SCN10A: variants seen among roughly 807,000 people sequenced by gnomAD.
SCN10A encodes the protein sodium channel protein type 10 subunit alpha.
SCN10A carries 162 observed loss-of-function variants against 170.7 expected under a neutral mutation model. The observed-to-expected ratio is 0.95, with a 90% CI of 0.84 to 1.08. The LOEUF (loss-of-function observed/expected upper bound fraction) is 1.08, where lower values mean the gene tolerates loss of function less well. Ranked by LOEUF, SCN10A falls within the 50% of genes least tolerant of loss-of-function variation. The pLI, the probability that SCN10A is intolerant of heterozygous loss-of-function variation, is 0.00. For synonymous variants in SCN10A, 985 were observed against 904.6 expected (o/e 1.09, Z -1.59); for missense variants, 2,527 against 2,436.9 (o/e 1.04, Z -0.78).
intron 4 of SCN10A, among the ~76,000 whole-genome samples, chr3:38,778,186 T>C (rs1019315649): frequency 1.3e-5 from 2 of 152,090 alleles, no homozygotes; most frequent in Non-Finnish European, 2.9e-5. Flanking sequence ...TTCAGCTTCA[T>C]TTCACATGTT....
At position 38,755,876 on chromosome 3, in the gene SCN10A, C is replaced by T. The variant is rs1576007359; in HGVS notation, c.1373G>A (p.Arg458Lys). Residue 458 changes from arginine to lysine, a missense_variant, in exon 11 of 28, where the codon AGA becomes AAA. Transcript: ENST00000449082. ...SPLTSKNASE[R>K]RHRIKPRVSE... ...CACTCTTGGCTTTATTCTATGCCTTCTCTCACTGGCATTTTTGGAGGTTAA... is the reference window on the plus strand; with the variant it reads ...CACTCTTGGCTTTATTCTATGCCTTTTCTCACTGGCATTTTTGGAGGTTAA... 1 of 1,614,160 alleles carries T rather than the reference C, an allele frequency of 6.2e-7. No homozygotes were observed. The highest frequency in any genetic ancestry group is 2.2e-5 in the East Asian group (1 of 44,874).
At chr3:38,757,332 C>A (rs1398541468) in intron 8 of SCN10A, among the ~76,000 whole-genome samples, 173 bp from the exon 9 acceptor site, 4 of 152,138 alleles carry the variant, frequency 2.6e-5, no homozygotes, top group Non-Finnish European at 5.9e-5. Flanking sequence ...TTCTGTTATC[C>A]ATAAAACGGG....
rs767987787 is a variant in SCN10A at position 38,757,058 on chromosome 3, C to A, written c.1052G>T (p.Arg351Leu). 2 of 1,613,362 alleles carry A rather than the reference C, an allele frequency of 1.2e-6. No individual in the cohort carries two copies. Among genetic ancestry groups the A allele is most frequent in the African/African-American group, 1.3e-5 (1 of 74,858 alleles). ...SFAWAFLSLF[R>L]LMTQDSWERL... is the part of the protein sequence containing the mutation. ...TTCCCAGGAATCCTGTGTCATGAGG[C>A]GGAACAGTGAGAGGAAAGCCCAAGC... The change falls in exon 9 of 28, where the codon CGC becomes CTC. Residue 351 changes from arginine to leucine, a missense_variant. Physicochemically the swap from Arg to Leu is moderately radical, Grantham distance 102. Coordinates refer to ENST00000449082, the MANE Select transcript of SCN10A (RefSeq NM_006514.4).
chr3:38,704,494 G>A (rs1341379606), intron 26 of SCN10A, among the ~76,000 whole-genome samples: 4 of 152,212 alleles, frequency 2.6e-5, no homozygotes, highest in Admixed American at 6.5e-5. Flanking sequence ...TCTTGGATTA[G>A]CCCACGGTCA....
intron 23 of SCN10A, 110 bp downstream of exon 23, chr3:38,712,051 T>A (rs1172328741): frequency 9.6e-7 from 1 of 1,046,408 alleles, no homozygotes; most frequent in Non-Finnish European, 1.4e-6. Flanking sequence ...CAGTTCACAC[T>A]GAGTGCTACT....
At chr3:38,803,316 T>C (rs2064385039) in intron 1 of SCN10A, among the ~76,000 whole-genome samples, 1 of 152,036 alleles carries the variant, frequency 6.6e-6, no homozygotes, top group Non-Finnish European at 1.5e-5. Flanking sequence ...ACCCAAAGGA[T>C]TATAAATCAT....
chr3:38,788,131 G>A (rs971257221), intron 4 of SCN10A, among the ~76,000 whole-genome samples: 1 of 142,248 alleles, frequency 7.0e-6, no homozygotes, highest in Non-Finnish European at 1.5e-5. Flanking sequence ...CATCAATTAA[G>A]AAGACTATGT....
chr3:38,771,049 A>G (rs2063993502), intron 5 of SCN10A, among the ~76,000 whole-genome samples: 1 of 152,168 alleles, frequency 6.6e-6, no homozygotes, highest in Non-Finnish European at 1.5e-5. Flanking sequence ...GGGAGCTCAC[A>G]GTTTTTCACC....
chr3:38,804,296 C>A (rs1465570485), intron 1 of SCN10A, among the ~76,000 whole-genome samples: 11 of 152,036 alleles, frequency 7.2e-5, no homozygotes, highest in Admixed American at 7.2e-4. Context: ...CAACTATTAC[C>A]TTGCTAAAGA....
At chr3:38,737,032 G>A (rs1302632425) in intron 15 of SCN10A, among the ~76,000 whole-genome samples, 2 of 125,522 alleles carry the variant, frequency 1.6e-5, no homozygotes, top group African/African-American at 6.3e-5. Context: ...TTGCAGTGGC[G>A]CAATCTCGGC....
intron 22 of SCN10A, among the ~76,000 whole-genome samples, chr3:38,713,480 G>C (rs571416972): frequency 3.3e-5 from 5 of 152,074 alleles, no homozygotes; most frequent in Non-Finnish European, 7.4e-5. Flanking sequence ...TCTGGGTCCT[G>C]GTGGCTGTAA....
intron 13 of SCN10A, among the ~76,000 whole-genome samples, chr3:38,744,675 T>G (rs1019392429): frequency 6.6e-6 from 1 of 152,166 alleles, no homozygotes; most frequent in African/African-American, 2.4e-5. Context: ...AAAACTTTGG[T>G]GCATTTGAAA....
At chr3:38,736,187 T>C (rs1334062540) in intron 15 of SCN10A, among the ~76,000 whole-genome samples, 2 of 152,222 alleles carry the variant, frequency 1.3e-5, no homozygotes, top group African/African-American at 2.4e-5. Flanking sequence ...TAGGCCTTTT[T>C]GGCTGGAGCA....
intron 27 of SCN10A, among the ~76,000 whole-genome samples, chr3:38,698,912 C>T (rs1022238364): frequency 9.2e-5 from 14 of 152,156 alleles, no homozygotes; most frequent in African/African-American, 2.9e-4. Context: ...CAGTCTTTGG[C>T]CTGTTTTTTC....
intron 25 of SCN10A, among the ~76,000 whole-genome samples, chr3:38,708,433 C>T (rs1262345496): frequency 6.6e-6 from 1 of 152,192 alleles, no homozygotes; most frequent in Non-Finnish European, 1.5e-5. Flanking sequence ...TCTCAAACCT[C>T]CCCAGGGTAC....
intron 27 of SCN10A, among the ~76,000 whole-genome samples, chr3:38,700,028 T>C (rs1487838898): frequency 6.6e-6 from 1 of 152,202 alleles, no homozygotes; most frequent in Non-Finnish European, 1.5e-5. Flanking sequence ...TTTATTTCTA[T>C]ATTACTGATA....
At chr3:38,737,830 T>TTCTTTCTTTCTTTCTTTCTTTCTC in intron 15 of SCN10A, among the ~76,000 whole-genome samples, 1 of 79,874 alleles carries the variant, frequency 1.3e-5, no homozygotes, top group South Asian at 4.6e-4. Flanking sequence ...CTTTCTTTCT[T>TTCTTTCTTTCTTTCTTTCTTTCTC]TCTCTTTCTT....
At chr3:38,733,816 G>A (rs2063534030) in intron 15 of SCN10A, among the ~76,000 whole-genome samples, 1 of 151,594 alleles carries the variant, frequency 6.6e-6, no homozygotes, top group African/African-American at 2.4e-5. Flanking sequence ...CGCCTCCCGG[G>A]TTCAAGCAAT....
At chr3:38,753,562 AG>A (rs2063771787) in intron 11 of SCN10A, among the ~76,000 whole-genome samples, 1 of 152,196 alleles carries the variant, frequency 6.6e-6, no homozygotes, top group Non-Finnish European at 1.5e-5. Flanking sequence ...CATTATTAAA[AG>A]CTCAGTATTA....
Sources: allele counts gnomAD v4.1 joint callset (sites outside exome capture counted in the v4.1 genomes callset), GRCh38; gene constraint gnomAD v4.1.1; transcripts MANE v1.5; gene names NCBI Gene and HGNC (gene_info 2026-07-23, HGNC 2026-07-21).